The following STAU2 variants were observed in gnomAD, a reference collection of about 807,000 sequenced individuals.
STAU2 encodes staufen double-stranded RNA binding protein 2.
Under a neutral mutation model 65.9 loss-of-function variants are expected in STAU2, and 20 were observed. The observed-to-expected ratio is 0.30, with a 90% CI of 0.21 to 0.44. The LOEUF is 0.44. Among genes scored for constraint, STAU2 ranks in the 20% least tolerant of loss-of-function variants. The pLI is 1.00. For missense variants in STAU2, 558 were observed against 683.9 expected, an observed-to-expected ratio of 0.82 and a Z score of 2.05; for synonymous variants, 232 against 233.9, an observed-to-expected ratio of 0.99 and a Z score of 0.07.
At chr8:73,688,129 G>A (rs1243737701) in intron 5 of STAU2, among the ~76,000 whole-genome samples, 1 of 150,386 alleles carries the variant, frequency 6.6e-6, no homozygotes, top group Non-Finnish European at 1.5e-5. Context: ...ATCCACTAAA[G>A]CAAATTTTAA....
At chr8:73,721,403 A>T (rs74974825) in intron 3 of STAU2, among the ~76,000 whole-genome samples, 1 of 150,528 alleles carries the variant, frequency 6.6e-6, no homozygotes, top group Non-Finnish European at 1.5e-5. Flanking sequence ...TTTTAGGTAG[A>T]GTGTTCTATA....
intron 13 of STAU2, among the ~76,000 whole-genome samples, chr8:73,536,390 A>G (rs797000807): frequency 5.9e-5 from 9 of 152,372 alleles, no homozygotes; most frequent in African/African-American, 1.9e-4. Context: ...AAGGACCAAA[A>G]AAATAATAAT....
At chr8:73,662,313 T>C (rs1816888550) in intron 6 of STAU2, among the ~76,000 whole-genome samples, 1 of 152,232 alleles carries the variant, frequency 6.6e-6, no homozygotes, top group African/African-American at 2.4e-5. Flanking sequence ...TTCTAATATA[T>C]GTCTTGCTTT....
intron 13 of STAU2, among the ~76,000 whole-genome samples, chr8:73,521,667 T>C (rs926072193): frequency 1.3e-5 from 2 of 152,212 alleles, no homozygotes; most frequent in African/African-American, 2.4e-5. Context: ...CCATACTCTC[T>C]TGAGATGCTG....
chr8:73,661,619 A>G (rs1013397432), intron 6 of STAU2, among the ~76,000 whole-genome samples: 14 of 152,140 alleles, frequency 9.2e-5, no homozygotes, highest in Non-Finnish European at 1.6e-4. Flanking sequence ...AATCTAGACA[A>G]TCAAAGAACC....
chr8:73,550,872 ATGCAAAATACCC>A, intron 13 of STAU2: 1 of 987,546 alleles, frequency 1.0e-6, no homozygotes, highest in Non-Finnish European at 1.2e-6. Context: ...AAATCCGAAC[ATGCAAAATACCC>A]CCCAAAACAC....
chr8:73,528,316 A>G (rs1300674307), intron 13 of STAU2, among the ~76,000 whole-genome samples: 1 of 152,238 alleles, frequency 6.6e-6, no homozygotes, highest in Non-Finnish European at 1.5e-5. Context: ...TGACATTACA[A>G]TCAAATTGAA....
chr8:73,430,669 A>G (rs1817201902), intron 13 of STAU2, among the ~76,000 whole-genome samples: 1 of 152,248 alleles, frequency 6.6e-6, no homozygotes, highest in Non-Finnish European at 1.5e-5. Context: ...GGCTTTGTGA[A>G]CAAACACTGA....
chr8:73,746,926 C>CCGCCGCGCCCTCCCGCGCTCG (rs1441568317), upstream of STAU2: 4 of 961,508 alleles, frequency 4.2e-6, no homozygotes, highest in Non-Finnish European at 5.0e-6. Flanking sequence ...CCCGGCGCTC[C>CCGCCGCGCCCTCCCGCGCTCG]CGCCGCGCCC....
rs149756284 is a variant in STAU2, at chr8:73,471,689, G to A, written c.1531-48987C>T. Among the ~76,000 whole-genome samples the A allele has an allele frequency of 3.2e-3, 486 of 151,904 alleles. 1 individual carries two copies. The highest frequency in any genetic ancestry group is 0.011 in the African/African-American group (457 of 41,476). On this transcript the variant is annotated intron_variant, in intron 13 of 14. Transcript: ENST00000524300. ...CAAAATTAGCCGGGCATGATGGCAGGTGCCTGTAATCCTAGCTACTTGGGA... is the reference window on the plus strand; with the variant it reads ...CAAAATTAGCCGGGCATGATGGCAGATGCCTGTAATCCTAGCTACTTGGGA...
chr8:73,512,505 GCTA>G (rs1563394947), intron 13 of STAU2, among the ~76,000 whole-genome samples: 1 of 151,922 alleles, frequency 6.6e-6, no homozygotes, highest in Non-Finnish European at 1.5e-5. Context: ...TCTTTTTGAT[GCTA>G]CTGTGAATGA....
intron 12 of STAU2, among the ~76,000 whole-genome samples, chr8:73,556,657 T>A (rs973675138): frequency 5.9e-5 from 9 of 152,246 alleles, no homozygotes; most frequent in South Asian, 2.1e-4. Flanking sequence ...CTTGGGAGGC[T>A]GAGGCAGGAG....
intron 4 of STAU2, among the ~76,000 whole-genome samples, chr8:73,705,497 C>T (rs1217222730): frequency 6.6e-6 from 1 of 152,094 alleles, no homozygotes; most frequent in Non-Finnish European, 1.5e-5. Flanking sequence ...GAAGAAAATA[C>T]CATTTTATGT....
intron 13 of STAU2, among the ~76,000 whole-genome samples, chr8:73,437,746 C>T (rs1817818201): frequency 6.6e-6 from 1 of 152,208 alleles, no homozygotes; most frequent in African/African-American, 2.4e-5. Context: ...GGAGGCTGGG[C>T]CTGAGAAGAG....
chr8:73,716,659 TAAC>T (rs955784272), intron 3 of STAU2, among the ~76,000 whole-genome samples: 2 of 138,538 alleles, frequency 1.4e-5, no homozygotes, highest in South Asian at 2.4e-4. Flanking sequence ...TACTGTTAAT[TAAC>T]TTTTTTCATT....
intron 12 of STAU2, chr8:73,561,562 A>C (rs1252796257): frequency 2.2e-6 from 1 of 455,142 alleles, no homozygotes; most frequent in Non-Finnish European, 4.4e-6. Context: ...AACACCAAAA[A>C]ATGGATTATA....
chr8:73,457,700 C>T lies in STAU2; in HGVS notation c.1531-34998G>A, dbSNP rs561035626. 1.5e-4 allele frequency among the ~76,000 whole-genome samples: 23 copies of T among 152,362 alleles called. 1 individual carries two copies. In the South Asian group the frequency reaches 4.6e-3, roughly 30 times the overall value. On this transcript the variant is annotated intron_variant, in intron 13 of 14. Transcript: ENST00000524300. ...GTGTAATATTTGTATTTGCCTGACT[C>T]TCCTCTCCATTGAAGTATCCCTATT...
At chr8:73,470,077 G>A (rs1403150863) in intron 13 of STAU2, among the ~76,000 whole-genome samples, 2 of 152,158 alleles carry the variant, frequency 1.3e-5, no homozygotes, top group African/African-American at 4.8e-5. Flanking sequence ...TAAACAGTGG[G>A]TAAAGGTGAT....
chr8:73,639,715 T>A (rs548329890), intron 6 of STAU2, among the ~76,000 whole-genome samples: 2 of 152,258 alleles, frequency 1.3e-5, no homozygotes, highest in East Asian at 3.9e-4. Context: ...GAACAAGACA[T>A]CAATAATTCC....
Sources: gnomAD v4.1 joint callset for allele counts (sites outside exome capture counted in the v4.1 genomes callset) on GRCh38, gnomAD v4.1.1 for gene constraint, MANE v1.5 for transcripts, NCBI Gene and HGNC (gene_info 2026-07-23, HGNC 2026-07-21) for gene names.